Variants in SNRNP48 observed in about 807,000 individuals in gnomAD.
SNRNP48 encodes the protein small nuclear ribonucleoprotein U11/U12 subunit 48.
SNRNP48 carries 43 observed loss-of-function variants against 47.0 expected under a neutral mutation model. That is an observed-to-expected ratio of 0.92 (90% CI 0.72 to 1.18). The LOEUF (loss-of-function observed/expected upper bound fraction) is 1.18. Ranked by LOEUF, SNRNP48 falls within the 50% of genes most tolerant of loss-of-function variation. The pLI, the probability that SNRNP48 is intolerant of heterozygous loss-of-function variation, is 0.00. For missense variants in SNRNP48, 396 were observed against 422.2 expected, an observed-to-expected ratio of 0.94 and a Z score of 0.54; for synonymous variants, 138 against 144.0, an observed-to-expected ratio of 0.96 and a Z score of 0.30.
chr6:7,608,295 G>A (rs1760170107), intron 8 of SNRNP48, among the ~76,000 whole-genome samples: 2 of 152,132 alleles, frequency 1.3e-5, no homozygotes, highest in African/African-American at 4.8e-5. Flanking sequence ...GGTGGCTCAT[G>A]CCTGTAATCC....
chr6:7,602,304 G>C (rs1199806897), intron 5 of SNRNP48, among the ~76,000 whole-genome samples: 1 of 152,082 alleles, frequency 6.6e-6, no homozygotes, highest in Non-Finnish European at 1.5e-5. Context: ...ATTCTGCATG[G>C]ATACTGAGGG....
intron 4 of SNRNP48, among the ~76,000 whole-genome samples, chr6:7,595,509 T>A (rs1759888565): frequency 1.3e-5 from 2 of 152,264 alleles, no homozygotes; most frequent in African/African-American, 4.8e-5. Context: ...GTACTAGTGA[T>A]TCTTTTATCA....
intron 4 of SNRNP48, 77 bp downstream of exon 4, chr6:7,595,178 C>A (rs1401498023): frequency 8.0e-7 from 1 of 1,249,152 alleles, no homozygotes; most frequent in Non-Finnish European, 1.1e-6. Flanking sequence ...TAATTTTCTT[C>A]AAGAAAAACC....
rs1393475889 is a variant in SNRNP48 at position 7,590,201 on chromosome 6, G to A, written c.-57G>A. On this transcript the variant is annotated 5_prime_UTR_variant, in exon 1 of 9. Transcript: ENST00000342415. ...TGTGGCCCCGCCCACAGCTCCCAGA[G>A]GCCTGCGCGTGCGGTCTGCAGTTCG... 16 of 1,262,358 alleles carry A rather than the reference G, an allele frequency of 1.3e-5. No homozygotes were observed. The highest frequency in any genetic ancestry group is 1.1e-4 in the African/African-American group (7 of 65,386). The allele number at this position is 1,262,358 out of a possible 1,614,324, so 78.2% of individuals were successfully genotyped here. A position where few individuals can be genotyped will look rare whatever the true frequency, so the allele number is the denominator to read the frequency against.
rs185703876 is a variant in SNRNP48 at position 7,609,127 on chromosome 6, G to A, written c.*254G>A. The A allele has an allele frequency of 4.1e-6, 1 of 243,192 alleles. No homozygotes were observed. Among genetic ancestry groups the A allele is most frequent in the African/African-American group, 2.2e-5 (1 of 44,666 alleles). 15.1% of individuals were successfully genotyped at this position (243,192 alleles called of 1,614,324 possible). A position where few individuals can be genotyped will look rare whatever the true frequency, so the allele number is the denominator to read the frequency against. On this transcript the variant is annotated 3_prime_UTR_variant, in exon 9 of 9. Transcript: ENST00000342415. The stretch of plus-strand genomic sequence containing the variant: ...TGCTTCCTATAACTGATGTTGTTTT[G>A]TTCGTTTTGCTAATATATGTATCTC...
intron 4 of SNRNP48, among the ~76,000 whole-genome samples, chr6:7,599,255 T>C (rs1046723119): frequency 6.6e-6 from 1 of 152,158 alleles, no homozygotes. Flanking sequence ...AAGATCCCCT[T>C]TGATGACAAA....
intron 8 of SNRNP48, among the ~76,000 whole-genome samples, chr6:7,606,793 A>G (rs111783751): frequency 1.2e-4 from 19 of 152,138 alleles, no homozygotes; most frequent in Non-Finnish European, 2.4e-4. Context: ...CTTTTTCTCA[A>G]TCTGCTCCTC....
intron 4 of SNRNP48, 26 bp downstream of exon 4, chr6:7,595,127 A>G: frequency 6.6e-7 from 1 of 1,509,248 alleles, no homozygotes; most frequent in Non-Finnish European, 8.9e-7. Flanking sequence ...GTTTAAGTGA[A>G]TTAAAGAATG....
intron 7 of SNRNP48, among the ~76,000 whole-genome samples, chr6:7,605,829 A>T (rs79361359): frequency 3.9e-5 from 6 of 152,210 alleles, no homozygotes; most frequent in African/African-American, 2.4e-5. Flanking sequence ...TGCAAAAATT[A>T]AAAAAATTGC....
At chr6:7,601,647 A>G in intron 5 of SNRNP48, 123 bp downstream of exon 5, 2 of 1,000,308 alleles carry the variant, frequency 2.0e-6, no homozygotes, top group Non-Finnish European at 2.8e-6. Flanking sequence ...ATCATTTAAT[A>G]TTGACATGAA....
intron 8 of SNRNP48, among the ~76,000 whole-genome samples, chr6:7,606,899 C>T (rs1443181565): frequency 1.3e-5 from 2 of 152,244 alleles, no homozygotes; most frequent in African/African-American, 4.8e-5. Flanking sequence ...CCTTCCACTC[C>T]TTATCATCTG....
chr6:7,608,327 C>A (rs903802127), intron 8 of SNRNP48, among the ~76,000 whole-genome samples: 1 of 151,880 alleles, frequency 6.6e-6, no homozygotes, highest in African/African-American at 2.4e-5. Context: ...GAGGCCAAGG[C>A]GGGTGGATCA....
chr6:7,601,444 C>CA lies in SNRNP48; in HGVS notation c.518dup (p.Lys174GlufsTer5). 6.2e-7 allele frequency: 1 copy of CA among 1,603,594 alleles called. No individual in the cohort carries two copies. The highest frequency in any genetic ancestry group is 8.5e-7 in the Non-Finnish European group (1 of 1,177,802). The stretch of plus-strand genomic sequence containing the variant: ...CTCTATGATTTCGTAGTTGAGGAGA[C>CA]AAAGAAAAAGCGCTCTGATTCTCAA... On this transcript the variant is annotated frameshift_variant, in exon 5 of 9. Coordinates refer to ENST00000342415, the MANE Select transcript of SNRNP48 (RefSeq NM_152551.4). LOFTEE classifies it high-confidence loss of function.
Position 7,590,264 on chromosome 6 carries a change from G to A in SNRNP48, c.7G>A (p.Gly3Ser), listed in dbSNP as rs1293976606. Residue 3 changes from glycine (G) to serine (S), a missense_variant, in exon 1 of 9, where the codon GGC becomes AGC. Physicochemically the swap from Gly to Ser is moderately conservative, Grantham distance 56. Coordinates refer to ENST00000342415, the MANE Select transcript of SNRNP48 (RefSeq NM_152551.4). ...TGGCGGGTGGGCTGCAGCTATGGAG[G>A]GCGAGCCTCCACCTGTGGAGGAGCG... MEGEPPPVEERRR... is the reference protein window; with the variant it reads MESEPPPVEERRR... 6.0e-6 allele frequency: 8 copies of A among 1,339,270 alleles called. No homozygotes were observed. The highest frequency in any genetic ancestry group is 5.6e-5 in the East Asian group (2 of 35,420). The allele number at this position is 1,339,270 out of a possible 1,614,324, so 83.0% of individuals were successfully genotyped here.
At chr6:7,592,098 G>A (rs1333889425) in intron 1 of SNRNP48, among the ~76,000 whole-genome samples, 1 of 152,224 alleles carries the variant, frequency 6.6e-6, no homozygotes, top group African/African-American at 2.4e-5. Context: ...ATTGTAGGCG[G>A]TGGTGGACAA....
At chr6:7,594,516 T>TTTAAC (rs973074851) in intron 3 of SNRNP48, among the ~76,000 whole-genome samples, 2 of 152,212 alleles carry the variant, frequency 1.3e-5, no homozygotes, top group African/African-American at 4.8e-5. Context: ...AGTCTTGGGC[T>TTTAAC]CTGGAAAAAG....
Position 7,607,402 on chromosome 6 carries a change from T to A in SNRNP48, c.971+1207T>A, listed in dbSNP as rs544102030. ...TCTGGGATCCTGGCTCCTACCTACT[T>A]CTTGTATTTTGCTACTACGCCATGA... On this transcript the variant is annotated intron_variant, in intron 8 of 8. Transcript: ENST00000342415. Among the ~76,000 whole-genome samples the A allele has an allele frequency of 8.5e-5, 13 of 152,318 alleles. 1 individual carries two copies. In the East Asian group the frequency reaches 2.3e-3, roughly 27 times the overall value.
At chr6:7,607,358 T>C (rs1290390422) in intron 8 of SNRNP48, among the ~76,000 whole-genome samples, 1 of 152,190 alleles carries the variant, frequency 6.6e-6, no homozygotes, top group Non-Finnish European at 1.5e-5. Flanking sequence ...TTCACATTCT[T>C]TGAATGGCTC....
rs1760088992 is a variant in SNRNP48 at position 7,604,506 on chromosome 6, G to T, written c.718-892G>T. On this transcript the variant is annotated intron_variant, in intron 6 of 8. Transcript: ENST00000342415. ...TCTGAAGGCTTCATTAAGGAGTTTG[G>T]ATATTGTTCGATTTTACTTTGAGAG... Among the ~76,000 whole-genome samples, 3 of 152,162 alleles carry T rather than the reference G, an allele frequency of 2.0e-5. No homozygotes were observed. The South Asian group carries it at 6.2e-4, about 32-fold the overall frequency.
Sources: allele counts gnomAD v4.1 joint callset (sites outside exome capture counted in the v4.1 genomes callset), GRCh38; gene constraint gnomAD v4.1.1; transcripts MANE v1.5; gene names NCBI Gene and HGNC (gene_info 2026-07-23, HGNC 2026-07-21).